SPATC1L: variants seen among roughly 807,000 people sequenced by gnomAD.
The protein encoded by SPATC1L is speriolin-like protein.
In SPATC1L, 20 loss-of-function variants were observed where a neutral mutation model predicts 21.2. The observed-to-expected ratio is 0.94, with a 90% CI of 0.66 to 1.37. The LOEUF is 1.37. Among genes scored for constraint, SPATC1L ranks in the 40% most tolerant of loss-of-function variants. SPATC1L has a pLI of 0.00. For missense variants in SPATC1L, 499 were observed against 478.7 expected (o/e 1.04, Z -0.40); for synonymous variants, 290 against 234.5 (o/e 1.24, Z -2.16).
At chr21:46,164,222 A>G (rs1471499277) in intron 3 of SPATC1L, among the ~76,000 whole-genome samples, 1 of 152,060 alleles carries the variant, frequency 6.6e-6, no homozygotes, top group South Asian at 2.1e-4. Flanking sequence ...CCTGTTGCTG[A>G]GGCTGGTCTT....
intron 2 of SPATC1L, among the ~76,000 whole-genome samples, chr21:46,171,650 A>T (rs2079591641): frequency 6.6e-6 from 1 of 152,210 alleles, no homozygotes; most frequent in Admixed American, 6.5e-5. Flanking sequence ...TTAAAATTTC[A>T]ATAAAAGGAG....
intron 3 of SPATC1L, among the ~76,000 whole-genome samples, chr21:46,162,846 C>G (rs1213535804): frequency 3.3e-5 from 5 of 152,138 alleles, no homozygotes; most frequent in Non-Finnish European, 4.4e-5. Context: ...CTCAGCCTCC[C>G]ATAGTGCTGG....
At position 46,162,590 on chromosome 21, in the gene SPATC1L, C is replaced by CTTTTTTTTTTTTTTTTT. The variant is rs3057184; in HGVS notation, c.545-524_545-523insAAAAAAAAAAAAAAAAA. Among the ~76,000 whole-genome samples, 5 of 133,394 alleles carry CTTTTTTTTTTTTTTTTT rather than the reference C, an allele frequency of 3.7e-5. 1 individual carries two copies. Among genetic ancestry groups the CTTTTTTTTTTTTTTTTT allele is most frequent in the African/African-American group, 3.0e-5 (1 of 33,594 alleles). The allele number at this position is 133,394 out of a possible 152,430, so 87.5% of individuals were successfully genotyped here. A position where few individuals can be genotyped will look rare whatever the true frequency, so the allele number is the denominator to read the frequency against. On this transcript the variant is annotated intron_variant, in intron 3 of 4. Coordinates refer to ENST00000291672, the MANE Select transcript of SPATC1L (RefSeq NM_001142854.2). The stretch of plus-strand genomic sequence containing the variant: ...GAAAAGGACCGCTGGGTTGGCAGGA[C>CTTTTTTTTTTTTTTTTT]TTTTTTTTTTTTCTTAGACAGAGTC...
At chr21:46,166,766 C>T (rs1163225043) in intron 3 of SPATC1L, among the ~76,000 whole-genome samples, 1 of 152,084 alleles carries the variant, frequency 6.6e-6, no homozygotes, top group Non-Finnish European at 1.5e-5. Context: ...ACTGGAGCAC[C>T]CAGATATGTA....
At chr21:46,168,758 C>T (rs1485076570) in intron 2 of SPATC1L, 100 bp from the exon 3 acceptor site, 1 of 699,668 alleles carries the variant, frequency 1.4e-6, no homozygotes, top group South Asian at 6.1e-5. Flanking sequence ...CACCCCACCC[C>T]AAGCTTCAAC....
chr21:46,168,506 C>T lies in SPATC1L; in HGVS notation c.346G>A (p.Ala116Thr). The T allele has an allele frequency of 6.4e-6, 10 of 1,551,596 alleles. No individual in the cohort carries two copies. The highest frequency in any genetic ancestry group is 1.2e-5 in the South Asian group (1 of 84,456). The change falls in exon 3 of 5, where the codon GCC becomes ACC. Residue 116 changes from alanine to threonine, a missense_variant. By Grantham distance (58) the Ala-to-Thr change is moderately conservative. Coordinates refer to ENST00000291672, the MANE Select transcript of SPATC1L (RefSeq NM_001142854.2). ...CAAPSQAPFKAFLSPPEPHSH... is the reference protein window; with the variant it reads ...CAAPSQAPFKTFLSPPEPHSH... ...TGTGGCTCTGGGGGACTGAGGAAGGCCTTGAAGGGTGCCTGGGAGGGGGCT... is the reference window on the plus strand; with the variant it reads ...TGTGGCTCTGGGGGACTGAGGAAGGTCTTGAAGGGTGCCTGGGAGGGGGCT...
At chr21:46,176,934 G>A (rs1053285766) in intron 2 of SPATC1L, among the ~76,000 whole-genome samples, 1 of 151,992 alleles carries the variant, frequency 6.6e-6, no homozygotes, top group African/African-American at 2.4e-5. Flanking sequence ...CAATAGAACG[G>A]AACAGAGAAC....
chr21:46,173,809 C>T (rs909060588), intron 2 of SPATC1L, among the ~76,000 whole-genome samples: 1 of 152,142 alleles, frequency 6.6e-6, no homozygotes, highest in Non-Finnish European at 1.5e-5. Flanking sequence ...AAGGCAGGCA[C>T]TCTGCATCTG....
intron 3 of SPATC1L, among the ~76,000 whole-genome samples, chr21:46,163,620 T>C (rs965015066): frequency 6.6e-6 from 1 of 152,216 alleles, no homozygotes; most frequent in Non-Finnish European, 1.5e-5. Flanking sequence ...CCCTCCTGAA[T>C]TGTCTTGGCA....
At chr21:46,179,547 T>C (rs1287107720) in intron 2 of SPATC1L, among the ~76,000 whole-genome samples, 1 of 152,196 alleles carries the variant, frequency 6.6e-6, no homozygotes, top group Non-Finnish European at 1.5e-5. Flanking sequence ...GAATCGGCAA[T>C]ATTGCAGGGC....
chr21:46,182,586 C>G, intron 2 of SPATC1L, 38 bp downstream of exon 2: 1 of 1,428,566 alleles, frequency 7.0e-7, no homozygotes, highest in East Asian at 2.6e-5. Flanking sequence ...CCGCGACCCC[C>G]TCATCTACCA....
chr21:46,172,923 G>A (rs534908977), intron 2 of SPATC1L, among the ~76,000 whole-genome samples: 7 of 152,188 alleles, frequency 4.6e-5, no homozygotes, highest in South Asian at 2.1e-4. Context: ...GGAGTTAAAC[G>A]GGCAAGGAGC....
chr21:46,184,056 C>T (rs568487623), intron 1 of SPATC1L, among the ~76,000 whole-genome samples: 14 of 151,552 alleles, frequency 9.2e-5, no homozygotes, highest in African/African-American at 3.1e-4. Context: ...CTGGGTGGCC[C>T]TGAGGGCTGG....
intron 2 of SPATC1L, 46 bp downstream of exon 2, chr21:46,182,578 G>A (rs1402769114): frequency 2.6e-5 from 37 of 1,419,176 alleles, no homozygotes; most frequent in Admixed American, 2.9e-5. Flanking sequence ...CAGGCGTCCC[G>A]CGACCCCCTC....
intron 2 of SPATC1L, among the ~76,000 whole-genome samples, chr21:46,171,335 A>T (rs1381317879): frequency 6.6e-6 from 1 of 152,152 alleles, no homozygotes; most frequent in Non-Finnish European, 1.5e-5. Flanking sequence ...CCATATCAAA[A>T]AATTATACCT....
intron 3 of SPATC1L, among the ~76,000 whole-genome samples, chr21:46,162,451 G>A (rs909783818): frequency 1.3e-4 from 20 of 152,130 alleles, no homozygotes; most frequent in Non-Finnish European, 4.4e-5. Flanking sequence ...GAACAGGGCC[G>A]GTCGGCTTGG....
At chr21:46,179,712 G>A (rs1016111820) in intron 2 of SPATC1L, among the ~76,000 whole-genome samples, 1 of 152,174 alleles carries the variant, frequency 6.6e-6, no homozygotes, top group Non-Finnish European at 1.5e-5. Flanking sequence ...AATCTGGGGG[G>A]GCCTGGCTGT....
intron 2 of SPATC1L, among the ~76,000 whole-genome samples, chr21:46,177,921 A>T (rs1358120171): frequency 6.6e-6 from 1 of 152,232 alleles, no homozygotes; most frequent in Non-Finnish European, 1.5e-5. Flanking sequence ...ACACCATGGA[A>T]TATTATGCAG....
rs1201045332 is a variant in SPATC1L, at chr21:46,162,021, G to C, written c.591C>G (p.Gly197=). Residue 197 remains glycine (G), a synonymous_variant, in exon 4 of 5, where the codon GGC becomes GGG. Coordinates refer to ENST00000291672, the MANE Select transcript of SPATC1L (RefSeq NM_001142854.2). The part of the protein sequence containing the change: ...AGAEKDARVV[G]EIAFQLDRRI... ...GGCGGTCCAGCTGGAAGGCGATCTC[G>C]CCCACCACGCGCGCGTCCTTCTCGG... The C allele has an allele frequency of 1.9e-6, 3 of 1,596,606 alleles. No individual in the cohort carries two copies. Among genetic ancestry groups the C allele is most frequent in the Non-Finnish European group, 2.6e-6 (3 of 1,174,004 alleles).
Sources: gnomAD v4.1 joint callset for allele counts (sites outside exome capture counted in the v4.1 genomes callset) on GRCh38, gnomAD v4.1.1 for gene constraint, MANE v1.5 for transcripts, NCBI Gene and HGNC (gene_info 2026-07-23, HGNC 2026-07-21) for gene names.